NTM: variants seen among roughly 807,000 people sequenced by gnomAD.
The protein encoded by NTM is IgLON family member 2.
NTM carries 13 observed loss-of-function variants against 42.1 expected under a neutral mutation model. The ratio of observed to expected loss-of-function variants is 0.31; its 90% confidence interval spans 0.20 to 0.49. The LOEUF (loss-of-function observed/expected upper bound fraction) is 0.49, where lower values mean the gene tolerates loss of function less well. Ranked by LOEUF, NTM falls within the 20% of genes least tolerant of loss-of-function variation. The pLI is 0.99. For synonymous variants in NTM, 187 were observed against 179.2 expected (o/e 1.04, Z -0.35); for missense variants, 373 against 452.8 (o/e 0.82, Z 1.60).
At chr11:131,615,196 C>G (rs2061803148) in intron 1 of NTM, among the ~76,000 whole-genome samples, 1 of 152,218 alleles carries the variant, frequency 6.6e-6, no homozygotes, top group South Asian at 2.1e-4. Context: ...CTCTTTTGAA[C>G]ATAACACAGT....
rs868595445 is a variant in NTM at position 131,456,244 on chromosome 11, G to A, written c.82+85356G>A. ...GTAGCAGCAGGTTGTTTCAGTCGCT[G>A]TTAGATAAAACTGGTTTTCAATTAC... is the stretch of plus-strand genomic sequence containing the variant. On this transcript the variant is annotated intron_variant, in intron 1 of 8. Transcript: ENST00000683400. Among the ~76,000 whole-genome samples the A allele has an allele frequency of 2.6e-5, 4 of 152,336 alleles. No homozygotes were observed. In the South Asian group the frequency reaches 8.3e-4, roughly 32 times the overall value.
intron 1 of NTM, among the ~76,000 whole-genome samples, chr11:131,866,307 A>G (rs1490455369): frequency 1.3e-5 from 2 of 152,098 alleles, no homozygotes; most frequent in Non-Finnish European, 2.9e-5. Flanking sequence ...CAAAGCAAAG[A>G]TTGCCTGTGG....
intron 1 of NTM, among the ~76,000 whole-genome samples, chr11:131,494,786 C>T (rs1955161728): frequency 6.6e-6 from 1 of 152,212 alleles, no homozygotes; most frequent in Non-Finnish European, 1.5e-5. Context: ...AGTTCCCGTC[C>T]ACTGTGAACA....
At chr11:132,112,718 T>TAC (rs61630313) in intron 2 of NTM, among the ~76,000 whole-genome samples, 8,103 of 142,058 alleles carry the variant, frequency 0.057, 233 homozygotes, top group South Asian at 0.086. Context: ...ACTGCACACT[T>TAC]ACACACACAC....
intron 1 of NTM, among the ~76,000 whole-genome samples, chr11:131,890,124 G>C (rs2051044911): frequency 7.0e-6 from 1 of 143,012 alleles, no homozygotes. Flanking sequence ...AGCACACACA[G>C]GCCCTCTCTC....
intron 2 of NTM, among the ~76,000 whole-genome samples, chr11:132,006,412 A>C (rs917746896): frequency 1.3e-5 from 2 of 152,206 alleles, no homozygotes; most frequent in Admixed American, 6.5e-5. Flanking sequence ...AAAAAAGAGG[A>C]AAATAATAAC....
At chr11:132,009,947 T>A (rs540111411) in intron 2 of NTM, among the ~76,000 whole-genome samples, 79 of 152,290 alleles carry the variant, frequency 5.2e-4, no homozygotes, top group African/African-American at 1.9e-3. Flanking sequence ...CACTGCTGAA[T>A]GTGTGGCTCA....
At chr11:131,407,190 A>T (rs1357572441) in intron 1 of NTM, among the ~76,000 whole-genome samples, 1 of 152,194 alleles carries the variant, frequency 6.6e-6, no homozygotes, top group African/African-American at 2.4e-5. Flanking sequence ...ACAAGACTGG[A>T]TTTTTAAAAG....
At chr11:131,565,236 C>T (rs1368519591) in intron 1 of NTM, among the ~76,000 whole-genome samples, 1 of 152,228 alleles carries the variant, frequency 6.6e-6, no homozygotes, top group Non-Finnish European at 1.5e-5. Flanking sequence ...TGTCCACCTC[C>T]AGCCTCAACC....
chr11:131,740,493 C>T (rs1422543928), intron 1 of NTM, among the ~76,000 whole-genome samples: 1 of 152,162 alleles, frequency 6.6e-6, no homozygotes, highest in Non-Finnish European at 1.5e-5. Context: ...AAGGGTAGGA[C>T]ACTAATTAAA....
intron 1 of NTM, among the ~76,000 whole-genome samples, chr11:131,392,832 T>A (rs1360505751): frequency 6.6e-6 from 1 of 152,230 alleles, no homozygotes; most frequent in African/African-American, 2.4e-5. Flanking sequence ...AACCAAGGTC[T>A]ATTATTTTTG....
chr11:131,503,707 GTAGAGAGAGTC>G (rs1215764348), intron 1 of NTM, among the ~76,000 whole-genome samples: 2 of 143,328 alleles, frequency 1.4e-5, no homozygotes, highest in South Asian at 4.4e-4. Context: ...TCTTTTTTTT[GTAGAGAGAGTC>G]TCACTGTGTT....
intron 4 of NTM, among the ~76,000 whole-genome samples, chr11:132,217,425 G>A (rs2084124493): frequency 6.6e-6 from 1 of 151,240 alleles, no homozygotes; most frequent in Non-Finnish European, 1.5e-5. Flanking sequence ...GTGTGTGTGT[G>A]TTTCTCAGGT....
chr11:131,834,207 C>A (rs577910520), intron 1 of NTM, among the ~76,000 whole-genome samples: 3 of 152,162 alleles, frequency 2.0e-5, no homozygotes, highest in Non-Finnish European at 4.4e-5. Context: ...ACCACACTCA[C>A]GTGCCTTGAG....
intron 1 of NTM, among the ~76,000 whole-genome samples, chr11:131,800,391 T>G (rs1412615627): frequency 6.6e-6 from 1 of 152,226 alleles, no homozygotes; most frequent in Non-Finnish European, 1.5e-5. Flanking sequence ...TCACCTTCTA[T>G]CCCTTCCTGG....
intron 1 of NTM, among the ~76,000 whole-genome samples, chr11:131,802,293 CT>C (rs1290468628): frequency 6.6e-6 from 1 of 152,174 alleles, no homozygotes. Context: ...TTCTTGTTTC[CT>C]TTCCTCCTGC....
intron 2 of NTM, among the ~76,000 whole-genome samples, chr11:131,953,405 G>A (rs1022926352): frequency 1.5e-4 from 23 of 152,278 alleles, no homozygotes; most frequent in African/African-American, 4.8e-4. Flanking sequence ...TTGAGTATGC[G>A]TGTGTGTCTA....
chr11:131,859,026 A>G (rs1439470082), intron 1 of NTM, among the ~76,000 whole-genome samples: 1 of 152,178 alleles, frequency 6.6e-6, no homozygotes, highest in African/African-American at 2.4e-5. Context: ...GCCGCACTTC[A>G]GCTCCTAGGA....
intron 1 of NTM, among the ~76,000 whole-genome samples, chr11:131,374,455 C>T (rs1371829940): frequency 6.6e-6 from 1 of 152,172 alleles, no homozygotes; most frequent in Non-Finnish European, 1.5e-5. Flanking sequence ...TTTTGGTTCC[C>T]TTAAAGCCAA....
Sources: gnomAD v4.1 joint callset for allele counts (sites outside exome capture counted in the v4.1 genomes callset) on GRCh38, gnomAD v4.1.1 for gene constraint, MANE v1.5 for transcripts, NCBI Gene and HGNC (gene_info 2026-07-23, HGNC 2026-07-21) for gene names.